The following KLHL42 variants were observed in gnomAD, a reference collection of about 807,000 sequenced individuals.
KLHL42 encodes the protein kelch like family member 42, also known as kelch-like protein 42.
A neutral mutation model predicts 32.7 loss-of-function variants in KLHL42; 27 were observed. The observed-to-expected ratio is 0.83, with a 90% CI of 0.61 to 1.14. The LOEUF is 1.14. KLHL42 is among the 50% of genes most tolerant of loss of function. The pLI, the probability that KLHL42 is intolerant of heterozygous loss-of-function variation, is 0.00. For synonymous variants in KLHL42, 267 were observed against 248.2 expected (o/e 1.08, Z -0.71); for missense variants, 491 against 560.8 (o/e 0.88, Z 1.26).
rs1490184150 is a variant in KLHL42 at position 27,800,470 on chromosome 12, T to C, written c.*2304T>C. ...TACGTGGGAAAGGTGGAATGTGCAA[T>C]AGGAACAGATCTGTGCATTTTGTGA... On this transcript the variant is annotated 3_prime_UTR_variant, in exon 3 of 3. Coordinates refer to ENST00000381271, the MANE Select transcript of KLHL42 (RefSeq NM_020782.2). 1.6e-6 allele frequency: 1 copy of C among 643,124 alleles called. No individual in the cohort carries two copies. Among genetic ancestry groups the C allele is most frequent in the African/African-American group, 2.0e-5 (1 of 50,558 alleles). The allele number at this position is 643,124 out of a possible 1,614,324, so 39.8% of individuals were successfully genotyped here.
intron 1 of KLHL42, among the ~76,000 whole-genome samples, chr12:27,784,605 A>G (rs1398498261): frequency 6.6e-6 from 1 of 152,132 alleles, no homozygotes; most frequent in Admixed American, 6.5e-5. Flanking sequence ...AGCCTGAGCA[A>G]CATAGTGAGA....
Position 27,800,899 on chromosome 12 carries a change from C to T in KLHL42, c.*2733C>T, listed in dbSNP as rs2062244335. The T allele has an allele frequency of 6.6e-6, 1 of 152,072 alleles. No homozygotes were observed. Among genetic ancestry groups the T allele is most frequent in the Admixed American group, 6.5e-5 (1 of 15,272 alleles). The allele number at this position is 152,072 out of a possible 1,614,324, so 9.4% of individuals were successfully genotyped here. ...TTGGAGGACCTGGGGTGGCAGCCCC[C>T]CGACCAGAAGCACCCTATTTTATAG... On this transcript the variant is annotated 3_prime_UTR_variant, in exon 3 of 3. Transcript: ENST00000381271.
In KLHL42 at chr12:27,781,137, C is replaced by T. The variant is rs149062131; in HGVS notation, c.807C>T (p.Ser269=). The change falls in exon 1 of 3, where the codon TCC becomes TCT. Residue 269 remains serine, a synonymous_variant. Coordinates refer to ENST00000381271, the MANE Select transcript of KLHL42 (RefSeq NM_020782.2). ...GGYRITSQEI[S]AAHSYNPSTN... is the part of the protein sequence containing the mutation. ...ACAGGATCACTAGCCAGGAGATCTC[C>T]GCTGCGCATTCCTACAACCCCAGCA... 2 of 1,613,952 alleles carry T rather than the reference C, an allele frequency of 1.2e-6. No individual in the cohort carries two copies. The highest frequency in any genetic ancestry group is 1.7e-6 in the Non-Finnish European group (2 of 1,180,022).
intron 2 of KLHL42, among the ~76,000 whole-genome samples, chr12:27,792,676 C>T (rs776598790): frequency 3.9e-5 from 6 of 152,106 alleles, no homozygotes; most frequent in Non-Finnish European, 8.8e-5. Flanking sequence ...GGCTGCACCA[C>T]CATGCCCCGC....
At chr12:27,786,946 C>T (rs918588920) in intron 1 of KLHL42, among the ~76,000 whole-genome samples, 11 of 151,518 alleles carry the variant, frequency 7.3e-5, no homozygotes, top group African/African-American at 4.8e-5. Context: ...AGGATGGTCT[C>T]GATCTCCTGA....
intron 1 of KLHL42, among the ~76,000 whole-genome samples, chr12:27,787,050 T>C (rs910767880): frequency 1.3e-5 from 2 of 152,012 alleles, no homozygotes; most frequent in African/African-American, 4.8e-5. Flanking sequence ...TAAAGCCTTC[T>C]GCACTCTGGA....
At chr12:27,781,230 C>T (rs765512002) in intron 1 of KLHL42, 28 bp downstream of exon 1, 2 of 1,609,236 alleles carry the variant, frequency 1.2e-6, no homozygotes, top group Admixed American at 3.3e-5. Context: ...GTGCTGCTGC[C>T]TTCTCATTCA....
rs2062252366 is a variant in KLHL42, at chr12:27,802,493, T to C, written c.*4327T>C. The C allele has an allele frequency of 6.6e-6, 1 of 152,558 alleles. No individual in the cohort carries two copies. Among genetic ancestry groups the C allele is most frequent in the Non-Finnish European group, 1.5e-5 (1 of 68,012 alleles). 9.5% of individuals were successfully genotyped at this position (152,558 alleles called of 1,614,324 possible). A position where few individuals can be genotyped will look rare whatever the true frequency, so the allele number is the denominator to read the frequency against. On this transcript the variant is annotated 3_prime_UTR_variant, in exon 3 of 3. Coordinates refer to ENST00000381271, the MANE Select transcript of KLHL42 (RefSeq NM_020782.2). ...CCTTAGATTTTATTCACATGAGAGA[T>C]TTTTTTTATTTTCTCTGTTGACTTA...
In KLHL42 at chr12:27,780,657, C is replaced by G; in HGVS notation, c.327C>G (p.Ala109=). 1 of 1,582,736 alleles carries G rather than the reference C, an allele frequency of 6.3e-7. No homozygotes were observed. The highest frequency in any genetic ancestry group is 8.6e-7 in the Non-Finnish European group (1 of 1,162,254). Residue 109 remains alanine, a synonymous_variant, in exon 1 of 3, where the codon GCC becomes GCG. Transcript: ENST00000381271. The surrounding 1 kb of genome is among the most constrained non-coding windows in gnomAD (Gnocchi z 8.8). ...TGCTGTCCGAGCTGGTGGAGGCGGC[C>G]TCCTTCCTGCAGGTCACGTCCCTGC... ...VSLLSELVEA[A]SFLQVTSLLQ... is the part of the protein sequence containing the mutation.
chr12:27,800,146 T>A lies in KLHL42; in HGVS notation c.*1980T>A, dbSNP rs2062237914. On this transcript the variant is annotated 3_prime_UTR_variant, in exon 3 of 3. Coordinates refer to ENST00000381271, the MANE Select transcript of KLHL42 (RefSeq NM_020782.2). ...GAAGATGAGTCAGTTGAATTAGTAC[T>A]GGACAAACAGTTGGAGATTAGTTTG... The A allele has an allele frequency of 3.0e-6, 3 of 985,216 alleles. No homozygotes were observed. Among genetic ancestry groups the A allele is most frequent in the Admixed American group, 1.2e-4 (2 of 16,274 alleles). 61.0% of individuals were successfully genotyped at this position (985,216 alleles called of 1,614,324 possible). A position where few individuals can be genotyped will look rare whatever the true frequency, so the allele number is the denominator to read the frequency against.
In KLHL42 at chr12:27,802,950, A is replaced by G. The variant is rs2062255011; in HGVS notation, c.*4784A>G. On this transcript the variant is annotated 3_prime_UTR_variant, in exon 3 of 3. Transcript: ENST00000381271. Reference sequence around the variant, plus strand: ...ACATTATGTGATTCATTTGAATACAAGAATGCCTATGAAATACCCACTATA... The same window carrying G: ...ACATTATGTGATTCATTTGAATACAGGAATGCCTATGAAATACCCACTATA... The G allele has an allele frequency of 1.3e-5, 2 of 152,268 alleles. No homozygotes were observed. The highest frequency in any genetic ancestry group is 4.8e-5 in the African/African-American group (2 of 41,462). 9.4% of individuals were successfully genotyped at this position (152,268 alleles called of 1,614,324 possible).
chr12:27,791,707 G>A lies in KLHL42; in HGVS notation c.873-1G>A. ...TGTGGGCCTTTGTGTCTCTCTTTCAGGTCTAACTTCAAACTTGTGGCTGTT... is the reference window on the plus strand; with the variant it reads ...TGTGGGCCTTTGTGTCTCTCTTTCAAGTCTAACTTCAAACTTGTGGCTGTT... On this transcript the variant is annotated splice_acceptor_variant, in intron 1 of 2. Transcript: ENST00000381271. LOFTEE classifies it high-confidence loss of function. 6.2e-7 allele frequency: 1 copy of A among 1,613,150 alleles called. No homozygotes were observed. The highest frequency in any genetic ancestry group is 8.5e-7 in the Non-Finnish European group (1 of 1,179,176).
rs554109931 is a variant in KLHL42, at chr12:27,797,462, T to G, written c.1067-253T>G. The G allele has an allele frequency of 1.8e-5, 10 of 547,844 alleles. No homozygotes were observed. In the East Asian group the frequency reaches 3.4e-4, roughly 19 times the overall value. 33.9% of individuals were successfully genotyped at this position (547,844 alleles called of 1,614,324 possible). On this transcript the variant is annotated intron_variant, in intron 2 of 2. Coordinates refer to ENST00000381271, the MANE Select transcript of KLHL42 (RefSeq NM_020782.2). ...GGAGGGGCTGTGTGAAAGTCAGAGC[T>G]GCGCTTTTTCCTGGTTTTATCCAGT...
Position 27,800,995 on chromosome 12 carries a change from T to G in KLHL42, c.*2829T>G, listed in dbSNP as rs2062244972. ...GGTTGGTTCTTCCTGTTATTCTCTC[T>G]GGCTTTCCTTTCAACCCACTTATTT... On this transcript the variant is annotated 3_prime_UTR_variant, in exon 3 of 3. Coordinates refer to ENST00000381271, the MANE Select transcript of KLHL42 (RefSeq NM_020782.2). 6.6e-6 allele frequency: 1 copy of G among 152,380 alleles called. No individual in the cohort carries two copies. The allele number at this position is 152,380 out of a possible 1,614,324, so 9.4% of individuals were successfully genotyped here. A position where few individuals can be genotyped will look rare whatever the true frequency, so the allele number is the denominator to read the frequency against.
At chr12:27,783,636 C>A (rs2062158052) in intron 1 of KLHL42, among the ~76,000 whole-genome samples, 1 of 151,994 alleles carries the variant, frequency 6.6e-6, no homozygotes, top group African/African-American at 2.4e-5. Flanking sequence ...GGCTGGAGTG[C>A]AGTGGCGGGA....
In KLHL42 at chr12:27,800,001, T is replaced by A; in HGVS notation, c.*1835T>A. ...ATGTTAATTTATATTCATTGTAGAA[T>A]TGAATTTCCAGTGACCTGTAATTTC... On this transcript the variant is annotated 3_prime_UTR_variant, in exon 3 of 3. Transcript: ENST00000381271. 1 of 887,986 alleles carries A rather than the reference T, an allele frequency of 1.1e-6. No individual in the cohort carries two copies. Among genetic ancestry groups the A allele is most frequent in the Non-Finnish European group, 1.3e-6 (1 of 741,136 alleles). 55.0% of individuals were successfully genotyped at this position (887,986 alleles called of 1,614,324 possible). A position where few individuals can be genotyped will look rare whatever the true frequency, so the allele number is the denominator to read the frequency against.
At position 27,800,121 on chromosome 12, in the gene KLHL42, G is replaced by A; in HGVS notation, c.*1955G>A. 5 of 984,952 alleles carry A rather than the reference G, an allele frequency of 5.1e-6. No homozygotes were observed. The highest frequency in any genetic ancestry group is 6.0e-6 in the Non-Finnish European group (5 of 829,512). The allele number at this position is 984,952 out of a possible 1,614,324, so 61.0% of individuals were successfully genotyped here. A position where few individuals can be genotyped will look rare whatever the true frequency, so the allele number is the denominator to read the frequency against. ...TTAAAGGCTTTGTCCTATACATTTA[G>A]AAGATGAGTCAGTTGAATTAGTACT... On this transcript the variant is annotated 3_prime_UTR_variant, in exon 3 of 3. Transcript: ENST00000381271.
intron 2 of KLHL42, 87 bp from the exon 3 acceptor site, chr12:27,797,628 T>G (rs1347966005): frequency 4.6e-6 from 3 of 656,360 alleles, no homozygotes; most frequent in African/African-American, 1.8e-5. Flanking sequence ...GTTACCAAAT[T>G]ATGCAGGCAG....
chr12:27,788,477 A>G (rs1311843903), intron 1 of KLHL42, among the ~76,000 whole-genome samples: 1 of 152,200 alleles, frequency 6.6e-6, no homozygotes, highest in Non-Finnish European at 1.5e-5. Flanking sequence ...GGTTGTATGT[A>G]GCTACTGTTA....
Sources: gnomAD v4.1 joint callset for allele counts (sites outside exome capture counted in the v4.1 genomes callset) on GRCh38, gnomAD v4.1.1 for gene constraint, Gnocchi (gnomAD v3.1) non-coding constraint, MANE v1.5 for transcripts, NCBI Gene and HGNC (gene_info 2026-07-23, HGNC 2026-07-21) for gene names.